Variants in PCID2 observed in about 807,000 individuals in gnomAD.
The protein encoded by PCID2 is PCI domain containing 2.
A neutral mutation model predicts 61.3 loss-of-function variants in PCID2; 41 were observed. That is an observed-to-expected ratio of 0.67 (90% confidence interval 0.52 to 0.87). PCID2 has a LOEUF of 0.87. Among genes scored for constraint, PCID2 ranks in the 40% least tolerant of loss-of-function variants. The pLI is 0.00. For synonymous variants in PCID2, 187 were observed against 177.8 expected (o/e 1.05, Z -0.41); for missense variants, 392 against 493.4 (o/e 0.79, Z 1.95).
the PCID2 span, chr13:113,172,380 T>C: frequency 2.2e-6 from 1 of 452,742 alleles, no homozygotes; most frequent in South Asian, 2.1e-5. Flanking sequence ...CTGTCAGTCA[T>C]AAAGCAGCCT....
chr13:113,176,150 C>T (rs115973443), downstream of PCID2, among the ~76,000 whole-genome samples: 1,860 of 152,320 alleles, frequency 0.012, 48 homozygotes, highest in African/African-American at 0.042. Context: ...TCCTGCGCCG[C>T]GCGGCCCGGA....
intron 1 of PCID2, chr13:113,208,331 G>T: frequency 7.0e-7 from 1 of 1,432,874 alleles, no homozygotes; most frequent in South Asian, 1.5e-5. Context: ...CAGCGACCTG[G>T]GACCGCCGCG....
chr13:113,181,184 A>C lies in PCID2; in HGVS notation c.732T>G (p.Ser244Arg). The C allele has an allele frequency of 1.9e-6, 3 of 1,613,920 alleles. No individual in the cohort carries two copies. Among genetic ancestry groups the C allele is most frequent in the Non-Finnish European group, 2.5e-6 (3 of 1,179,798 alleles). ...TCAGAATCATCCTTTTGTTCTTCTG[A>C]CTAGAACGGTGACAATGCTCAAAGG... ...SFAFEHCHRS[S>R]QKNKRMILIY... is the part of the protein sequence containing the mutation. Residue 244 changes from serine to arginine, a missense_variant, in exon 10 of 14, where the codon AGT becomes AGG. Transcript: ENST00000337344.
At chr13:113,184,119 T>C (rs1271346901) in intron 9 of PCID2, 6 of 628,782 alleles carry the variant, frequency 9.5e-6, no homozygotes, top group Non-Finnish European at 1.2e-5. Flanking sequence ...AAACGATGTC[T>C]GTAATGCCTG....
At chr13:113,185,265 T>G (rs540188717) in intron 8 of PCID2, among the ~76,000 whole-genome samples, 1 of 152,294 alleles carries the variant, frequency 6.6e-6, no homozygotes, top group East Asian at 1.9e-4. Flanking sequence ...AGCGCTAACC[T>G]CAGAGGGCTG....
At chr13:113,176,908 T>C (rs78022708), downstream of PCID2, among the ~76,000 whole-genome samples, 1,731 of 152,232 alleles carry the variant, frequency 0.011, 32 homozygotes, top group African/African-American at 0.038. Flanking sequence ...ACCTCCAGCC[T>C]CTAGAACTGT....
Position 113,179,115 on chromosome 13 carries a change from T to C in PCID2, c.987-26A>G, listed in dbSNP as rs41286614. 366 of 1,607,348 alleles carry C rather than the reference T, an allele frequency of 2.3e-4. No homozygotes were observed. Among genetic ancestry groups the C allele is most frequent in the Non-Finnish European group, 3.0e-4 (351 of 1,176,554 alleles). ...CTGGAAGAGGGGAGGAGAAGGGCAC[T>C]GTGGTTACCGACAGGATGCAATACT... On this transcript the variant is annotated intron_variant, in intron 12 of 13. Transcript: ENST00000337344. This position sits in a 1 kb window ranked among gnomAD's most constrained non-coding sequence, Gnocchi z 4.3.
Position 113,178,159 on chromosome 13 carries a change from G to T in PCID2, c.*39C>A, listed in dbSNP as rs766208286. ...CTCATCAGCACAACCAAAGTGGAAA[G>T]AAACAACTGCTCACCCGTCCTCGGG... is the stretch of plus-strand genomic sequence containing the variant. On this transcript the variant is annotated 3_prime_UTR_variant, in exon 14 of 14. Transcript: ENST00000337344. 1 of 1,509,816 alleles carries T rather than the reference G, an allele frequency of 6.6e-7. No individual in the cohort carries two copies. Among genetic ancestry groups the T allele is most frequent in the Admixed American group, 1.7e-5 (1 of 59,678 alleles). The allele number at this position is 1,509,816 out of a possible 1,614,324, so 93.5% of individuals were successfully genotyped here.
At chr13:113,165,947 G>A in the PCID2 span, among the ~76,000 whole-genome samples, 6 of 152,116 alleles carry the variant, frequency 3.9e-5, no homozygotes, top group Non-Finnish European at 8.8e-5. Context: ...CTCATTCTGG[G>A]TCCATTTGCT....
chr13:113,176,303 G>T (rs7321343), downstream of PCID2, among the ~76,000 whole-genome samples: 1 of 152,258 alleles, frequency 6.6e-6, no homozygotes, highest in Admixed American at 6.5e-5. Flanking sequence ...AATGTGCATA[G>T]TCTGAAAAAT....
chr13:113,173,599 C>T (rs776459333), downstream of PCID2, among the ~76,000 whole-genome samples: 11 of 152,178 alleles, frequency 7.2e-5, no homozygotes, highest in Non-Finnish European at 1.5e-4. Context: ...TACGCTTTAA[C>T]CCCAGAATTA....
At chr13:113,184,037 G>A in intron 9 of PCID2, 3 of 982,216 alleles carry the variant, frequency 3.1e-6, no homozygotes, top group Non-Finnish European at 3.6e-6. Flanking sequence ...ATCTATTACA[G>A]GGTCAAAAAG....
chr13:113,179,794 T>A lies in PCID2; in HGVS notation c.986+123A>T. On this transcript the variant is annotated intron_variant, in intron 12 of 13. Coordinates refer to ENST00000337344, the MANE Select transcript of PCID2 (RefSeq NM_001127202.4). The surrounding 1 kb of genome is among the most constrained non-coding windows in gnomAD (Gnocchi z 4.3). Reference sequence around the variant, plus strand: ...GGAGGCTTCATTTTATCCCACACAATGGAAGGAAGATAACGACCCCACCCA... The same window carrying A: ...GGAGGCTTCATTTTATCCCACACAAAGGAAGGAAGATAACGACCCCACCCA... 6 of 944,462 alleles carry A rather than the reference T, an allele frequency of 6.4e-6. No homozygotes were observed. The highest frequency in any genetic ancestry group is 9.4e-6 in the Non-Finnish European group (6 of 635,098). 58.5% of individuals were successfully genotyped at this position (944,462 alleles called of 1,614,324 possible).
intron 2 of PCID2, among the ~76,000 whole-genome samples, chr13:113,199,211 C>T (rs1053347338): frequency 6.6e-6 from 1 of 152,148 alleles, no homozygotes; most frequent in African/African-American, 2.4e-5. Flanking sequence ...TGGCCCTCCT[C>T]AGTGTGGACG....
At chr13:113,182,593 G>A (rs1463165905) in intron 9 of PCID2, among the ~76,000 whole-genome samples, 3 of 152,114 alleles carry the variant, frequency 2.0e-5, no homozygotes, top group South Asian at 2.1e-4. Context: ...TCCGCCTCCC[G>A]GGTTCACGTC....
intron 1 of PCID2, among the ~76,000 whole-genome samples, chr13:113,201,626 G>T (rs1012527208): frequency 6.6e-6 from 1 of 151,874 alleles, no homozygotes; most frequent in East Asian, 1.9e-4. Flanking sequence ...CCTGGCTAAC[G>T]CAATGAAACC....
chr13:113,206,101 G>C (rs2039790956), intron 1 of PCID2, among the ~76,000 whole-genome samples: 1 of 152,218 alleles, frequency 6.6e-6, no homozygotes, highest in East Asian at 1.9e-4. Context: ...AGTCAATGAA[G>C]TTTTAGTAAC....
the PCID2 span, chr13:113,171,667 G>A: frequency 8.2e-5 from 133 of 1,614,058 alleles, no homozygotes; most frequent in East Asian, 1.8e-3. This position sits in a 1 kb window ranked among gnomAD's most constrained non-coding sequence, Gnocchi z 5.1. Flanking sequence ...GGTATGACGC[G>A]GACGCGGGGG....
chr13:113,183,966 G>A (rs925164524), intron 9 of PCID2: 16 of 985,224 alleles, frequency 1.6e-5, no homozygotes, highest in Non-Finnish European at 1.9e-5. Context: ...TGTAGGTCAT[G>A]AAGTCAGTCG....
Sources: gnomAD v4.1 joint callset for allele counts (sites outside exome capture counted in the v4.1 genomes callset) on GRCh38, gnomAD v4.1.1 for gene constraint, Gnocchi (gnomAD v3.1) non-coding constraint, MANE v1.5 for transcripts, NCBI Gene and HGNC (gene_info 2026-07-23, HGNC 2026-07-21) for gene names.